SORCS2: variants seen among roughly 807,000 people sequenced by gnomAD.
The protein encoded by SORCS2 is VPS10 domain-containing receptor SorCS2.
Under a neutral mutation model 141.6 loss-of-function variants are expected in SORCS2, and 100 were observed. That is an observed-to-expected ratio of 0.71 (90% confidence interval 0.60 to 0.83). The LOEUF (loss-of-function observed/expected upper bound fraction) is 0.83, where lower values mean the gene tolerates loss of function less well. Among genes scored for constraint, SORCS2 ranks in the 40% least tolerant of loss-of-function variants. The pLI, the probability that SORCS2 is intolerant of heterozygous loss-of-function variation, is 0.00. For missense variants in SORCS2, 1,646 were observed against 1,560.2 expected, an observed-to-expected ratio of 1.05 and a Z score of -0.93; for synonymous variants, 789 against 676.9, an observed-to-expected ratio of 1.17 and a Z score of -2.57.
chr4:7,532,626 G>T (rs1261733123), intron 3 of SORCS2, among the ~76,000 whole-genome samples: 1 of 152,184 alleles, frequency 6.6e-6, no homozygotes, highest in Non-Finnish European at 1.5e-5. Context: ...GGTTCACAGG[G>T]GCTCAGAGGA....
At chr4:7,540,193 TCC>T (rs1712507005) in intron 3 of SORCS2, among the ~76,000 whole-genome samples, 1 of 63,178 alleles carries the variant, frequency 1.6e-5, no homozygotes, top group Admixed American at 1.9e-4. Context: ...TCCCTGCCCC[TCC>T]CTGCCCCTCC....
intron 1 of SORCS2, chr4:7,310,467 A>G (rs1016513914): frequency 1.3e-5 from 2 of 154,474 alleles, no homozygotes; most frequent in Middle Eastern, 5.2e-4. Context: ...ACTTCGGTAT[A>G]CTTTGTGAAT....
chr4:7,296,348 C>T (rs1433023911), intron 1 of SORCS2, among the ~76,000 whole-genome samples: 15 of 152,246 alleles, frequency 9.9e-5, no homozygotes, highest in Admixed American at 9.8e-4. Context: ...CGGGCAGGCT[C>T]ATGCCTCAGC....
chr4:7,257,728 T>TGCCCACTC (rs1423486643), intron 1 of SORCS2, among the ~76,000 whole-genome samples: 4 of 152,204 alleles, frequency 2.6e-5, no homozygotes, highest in African/African-American at 9.7e-5. Context: ...ACCCCATGTG[T>TGCCCACTC]GCCCACTCTC....
chr4:7,230,708 A>C (rs904535959), intron 1 of SORCS2, among the ~76,000 whole-genome samples: 1 of 143,184 alleles, frequency 7.0e-6, no homozygotes, highest in Non-Finnish European at 1.5e-5. Flanking sequence ...TCATGTGCTC[A>C]TGTATGAAGG....
At position 7,577,855 on chromosome 4, in the gene SORCS2, T is replaced by C. The variant is rs185619299; in HGVS notation, c.648+46226T>C. Among the ~76,000 whole-genome samples the C allele has an allele frequency of 1.6e-4, 23 of 147,954 alleles. No individual in the cohort carries two copies. In the East Asian group the frequency reaches 4.5e-3, roughly 29 times the overall value. On this transcript the variant is annotated intron_variant, in intron 3 of 26. Coordinates refer to ENST00000507866, the MANE Select transcript of SORCS2 (RefSeq NM_020777.3). Reference sequence around the variant, plus strand: ...AGTGCCATTGTTTGGAGAAGTTATATAGCATATAGGCGAAGTCAGCTAGTG... The same window carrying C: ...AGTGCCATTGTTTGGAGAAGTTATACAGCATATAGGCGAAGTCAGCTAGTG...
At chr4:7,454,451 A>G (rs1446424192) in intron 2 of SORCS2, among the ~76,000 whole-genome samples, 2 of 100,526 alleles carry the variant, frequency 2.0e-5, no homozygotes, top group African/African-American at 8.0e-5. Flanking sequence ...GCTCCGTGTT[A>G]GTGTAATGCG....
At chr4:7,229,937 A>C (rs1407816812) in intron 1 of SORCS2, among the ~76,000 whole-genome samples, 5 of 145,954 alleles carry the variant, frequency 3.4e-5, no homozygotes, top group Non-Finnish European at 6.0e-5. Context: ...GTCTCTGGGC[A>C]GGAGCAGTGT....
At chr4:7,240,897 C>T (rs184681081) in intron 1 of SORCS2, among the ~76,000 whole-genome samples, 2 of 152,102 alleles carry the variant, frequency 1.3e-5, no homozygotes, top group African/African-American at 4.8e-5. Context: ...ATTCTCAGCT[C>T]AATTTGAATT....
At chr4:7,337,744 C>T (rs1020678577) in intron 1 of SORCS2, among the ~76,000 whole-genome samples, 5 of 152,330 alleles carry the variant, frequency 3.3e-5, no homozygotes, top group Middle Eastern at 6.8e-3. Flanking sequence ...TTAGCCAATG[C>T]GTGCAGTGAA....
At chr4:7,541,069 T>C (rs1021212353) in intron 3 of SORCS2, among the ~76,000 whole-genome samples, 1 of 152,212 alleles carries the variant, frequency 6.6e-6, no homozygotes, top group Non-Finnish European at 1.5e-5. Flanking sequence ...GTCATGACCA[T>C]GGACTGACAC....
chr4:7,506,109 G>T (rs757622130), intron 2 of SORCS2, among the ~76,000 whole-genome samples: 1 of 152,112 alleles, frequency 6.6e-6, no homozygotes, highest in African/African-American at 2.4e-5. Context: ...AACCATCAAG[G>T]TGATCCCAGT....
chr4:7,397,439 AAAC>A (rs1724286961), intron 2 of SORCS2, among the ~76,000 whole-genome samples: 1 of 151,602 alleles, frequency 6.6e-6, no homozygotes, highest in Non-Finnish European at 1.5e-5. Context: ...CTCCCAGCAA[AAAC>A]GCTTTTCCTA....
intron 17 of SORCS2, among the ~76,000 whole-genome samples, chr4:7,716,409 C>T (rs142817527): frequency 4.6e-5 from 7 of 152,186 alleles, no homozygotes; most frequent in African/African-American, 1.2e-4. Context: ...ATTTCTCCAT[C>T]CATTCATTCA....
chr4:7,540,576 C>G (rs188604596), intron 3 of SORCS2, among the ~76,000 whole-genome samples: 4 of 152,330 alleles, frequency 2.6e-5, no homozygotes, highest in Admixed American at 2.6e-4. Context: ...GCTGCATGGT[C>G]CCATGGTGCC....
intron 1 of SORCS2, among the ~76,000 whole-genome samples, chr4:7,373,985 CA>C (rs1722444965): frequency 6.6e-6 from 1 of 151,998 alleles, no homozygotes; most frequent in African/African-American, 2.4e-5. Context: ...TTGACTAATC[CA>C]AAGGCACAAA....
intron 1 of SORCS2, among the ~76,000 whole-genome samples, chr4:7,318,287 C>A (rs1718687692): frequency 6.6e-6 from 1 of 152,184 alleles, no homozygotes; most frequent in Non-Finnish European, 1.5e-5. Flanking sequence ...CCCTGGTCAC[C>A]TGGTCCCGAG....
At chr4:7,448,316 G>C (rs987641325) in intron 2 of SORCS2, among the ~76,000 whole-genome samples, 1 of 152,002 alleles carries the variant, frequency 6.6e-6, no homozygotes, top group Admixed American at 6.5e-5. Context: ...AGGGCCCTGC[G>C]CCGGCCAGGC....
chr4:7,285,889 G>A (rs959905767), intron 1 of SORCS2, among the ~76,000 whole-genome samples: 2 of 152,192 alleles, frequency 1.3e-5, no homozygotes, highest in Non-Finnish European at 2.9e-5. Context: ...TCTGATGTTC[G>A]GTGCAGCCCT....
Sources: allele counts gnomAD v4.1 joint callset (sites outside exome capture counted in the v4.1 genomes callset), GRCh38; gene constraint gnomAD v4.1.1; transcripts MANE v1.5; gene names NCBI Gene and HGNC (gene_info 2026-07-23, HGNC 2026-07-21).